SPAG1: variants seen among roughly 807,000 people sequenced by gnomAD.
The protein encoded by SPAG1 is sperm associated antigen 1.
A neutral mutation model predicts 100.5 loss-of-function variants in SPAG1; 69 were observed. That is an observed-to-expected ratio of 0.69 (90% CI 0.57 to 0.84). SPAG1 has a LOEUF of 0.84. SPAG1 is among the 40% of genes least tolerant of loss of function. The pLI, the probability that SPAG1 is intolerant of heterozygous loss-of-function variation, is 0.00. For synonymous variants in SPAG1, 336 were observed against 411.6 expected (o/e 0.82, Z 2.22); for missense variants, 955 against 1,133.1 (o/e 0.84, Z 2.26).
chr8:100,184,092 G>C (rs1210264110), intron 6 of SPAG1, 30 bp downstream of exon 6: 1 of 995,992 alleles, frequency 1.0e-6, no homozygotes, highest in East Asian at 2.8e-5. Flanking sequence ...TAATTTAGTA[G>C]TCTTTAAAGT....
chr8:100,232,590 GC>G, intron 15 of SPAG1, among the ~76,000 whole-genome samples: 1 of 152,076 alleles, frequency 6.6e-6, no homozygotes, highest in Middle Eastern at 3.4e-3. Flanking sequence ...CTGTCTCCTT[GC>G]CACCATCCCC....
At chr8:100,164,283 A>G (rs1815447176) in intron 2 of SPAG1, among the ~76,000 whole-genome samples, 1 of 152,232 alleles carries the variant, frequency 6.6e-6, no homozygotes, top group Non-Finnish European at 1.5e-5. Context: ...ATCATGTACA[A>G]AATGAACATA....
At chr8:100,218,239 G>T (rs1270001880) in intron 12 of SPAG1, among the ~76,000 whole-genome samples, 1 of 152,124 alleles carries the variant, frequency 6.6e-6, no homozygotes, top group East Asian at 1.9e-4. Context: ...TACATGGGTG[G>T]TTTTTTTCCT....
At chr8:100,236,529 T>C (rs548172343) in intron 16 of SPAG1, among the ~76,000 whole-genome samples, 2 of 152,328 alleles carry the variant, frequency 1.3e-5, no homozygotes, top group East Asian at 3.9e-4. Flanking sequence ...GTGACTGCAA[T>C]GAGGAAGTGG....
chr8:100,162,195 A>G (rs1030535922), intron 1 of SPAG1, 84 bp from the exon 2 acceptor site: 1 of 1,152,164 alleles, frequency 8.7e-7, no homozygotes, highest in Non-Finnish European at 1.2e-6. Flanking sequence ...AAAAAAATAC[A>G]AAGAAGTACC....
chr8:100,191,683 A>T (rs959723968), intron 9 of SPAG1, among the ~76,000 whole-genome samples, 187 bp downstream of exon 9: 2 of 152,074 alleles, frequency 1.3e-5, no homozygotes, highest in African/African-American at 2.4e-5. Context: ...GAATCTTAAA[A>T]TTTTTTTTCA....
At chr8:100,191,632 C>T in intron 9 of SPAG1, 136 bp downstream of exon 9, 1 of 564,336 alleles carries the variant, frequency 1.8e-6, no homozygotes, top group East Asian at 2.9e-5. Flanking sequence ...ATATTCCAGA[C>T]ACCCCAAAAC....
rs556793819 is a variant in SPAG1 at position 100,226,214 on chromosome 8, C to T, written c.1855+875C>T. Among the ~76,000 whole-genome samples, 5 of 152,198 alleles carry T rather than the reference C, an allele frequency of 3.3e-5. No homozygotes were observed. The South Asian group carries it at 1.0e-3, about 32-fold the overall frequency. On this transcript the variant is annotated intron_variant, in intron 14 of 18. Transcript: ENST00000388798. ...GTCTCCCTATGTTGCCCATGCTGGT[C>T]TCAAATTCCAGGGCTAAAGTGATTC...
intron 10 of SPAG1, among the ~76,000 whole-genome samples, chr8:100,204,561 T>C (rs1470396492): frequency 1.3e-5 from 2 of 152,064 alleles, no homozygotes; most frequent in Non-Finnish European, 2.9e-5. Context: ...AGCTGAATTA[T>C]GGATTAAAAG....
chr8:100,161,717 C>T (rs1815315325), intron 1 of SPAG1, among the ~76,000 whole-genome samples: 1 of 152,056 alleles, frequency 6.6e-6, no homozygotes, highest in Non-Finnish European at 1.5e-5. Context: ...GGGTAATTGC[C>T]CCAGCACCTG....
intron 3 of SPAG1, 61 bp from the exon 4 acceptor site, chr8:100,177,755 C>A: frequency 1.9e-6 from 2 of 1,035,436 alleles, no homozygotes. Flanking sequence ...AACTATAGTT[C>A]TTTCTTATGC....
At chr8:100,198,572 T>C (rs1425203978) in intron 10 of SPAG1, among the ~76,000 whole-genome samples, 2 of 152,176 alleles carry the variant, frequency 1.3e-5, no homozygotes, top group African/African-American at 2.4e-5. Flanking sequence ...TCAAATTGGC[T>C]GAGATAGAAA....
In SPAG1 at chr8:100,183,632, A is replaced by AT. The variant is rs1234896001; in HGVS notation, c.488+203dup. On this transcript the variant is annotated intron_variant, in intron 5 of 18. Coordinates refer to ENST00000388798, the MANE Select transcript of SPAG1 (RefSeq NM_003114.5). ...AGTACATAAAAAACTTCTACATCCT[A>AT]TTTTTTTATAAAGTCAGCCAAAAAA... 3.9e-5 allele frequency among the ~76,000 whole-genome samples: 6 copies of AT among 152,146 alleles called. No individual in the cohort carries two copies. The South Asian group carries it at 1.0e-3, about 26-fold the overall frequency.
intron 3 of SPAG1, among the ~76,000 whole-genome samples, chr8:100,172,632 A>ATGTGTGTG (rs1476386593): frequency 1.9e-4 from 18 of 93,832 alleles, no homozygotes; most frequent in African/African-American, 2.8e-4. Context: ...AAAAAGAAAT[A>ATGTGTGTG]TATGTGTGTG....
intron 10 of SPAG1, 138 bp downstream of exon 10, chr8:100,194,406 C>A: frequency 3.2e-6 from 4 of 1,247,738 alleles, no homozygotes; most frequent in Non-Finnish European, 4.5e-6. Flanking sequence ...AAGCCAGTTT[C>A]GCTCATCTTT....
chr8:100,177,816 A>G lies in SPAG1; in HGVS notation c.301A>G (p.Ser101Gly). ...EWEKIDGDIK[S>G]WVSEIKKEED... ...TATTTACCCTTTTCTCTATTCTCAGAGTTGGGTATCAGAAATTAAAAAAGA... is the reference window on the plus strand; with the variant it reads ...TATTTACCCTTTTCTCTATTCTCAGGGTTGGGTATCAGAAATTAAAAAAGA... Residue 101 changes from serine (S) to glycine (G), a missense_variant and splice_region_variant, in exon 4 of 19, where the codon AGT becomes GGT. Coordinates refer to ENST00000388798, the MANE Select transcript of SPAG1 (RefSeq NM_003114.5). The G allele has an allele frequency of 6.8e-7, 1 of 1,478,534 alleles. No homozygotes were observed. The highest frequency in any genetic ancestry group is 9.4e-7 in the Non-Finnish European group (1 of 1,060,876). 91.6% of individuals were successfully genotyped at this position (1,478,534 alleles called of 1,614,324 possible). A position where few individuals can be genotyped will look rare whatever the true frequency, so the allele number is the denominator to read the frequency against.
chr8:100,213,704 T>C (rs886744643), intron 11 of SPAG1, 115 bp from the exon 12 acceptor site: 10 of 653,352 alleles, frequency 1.5e-5, no homozygotes, highest in Middle Eastern at 2.6e-4. Context: ...TTCTGCATGA[T>C]CAGTCTGCAG....
chr8:100,229,123 G>T (rs541927638), intron 14 of SPAG1, among the ~76,000 whole-genome samples: 1 of 152,268 alleles, frequency 6.6e-6, no homozygotes, highest in East Asian at 1.9e-4. Flanking sequence ...GAATGAGGAA[G>T]TAGGCCGGGC....
chr8:100,200,128 G>A (rs1586464998), intron 10 of SPAG1, among the ~76,000 whole-genome samples: 2 of 152,154 alleles, frequency 1.3e-5, no homozygotes, highest in East Asian at 3.9e-4. Context: ...CCCGGTGTGT[G>A]ATGTTCCTCT....
Sources: allele counts gnomAD v4.1 joint callset (sites outside exome capture counted in the v4.1 genomes callset), GRCh38; gene constraint gnomAD v4.1.1; transcripts MANE v1.5; gene names NCBI Gene and HGNC (gene_info 2026-07-23, HGNC 2026-07-21).